ZNF33A: variants seen among roughly 807,000 people sequenced by gnomAD.
ZNF33A encodes brain my041 protein.
In ZNF33A, 9 loss-of-function variants were observed where a neutral mutation model predicts 15.9. The ratio of observed to expected loss-of-function variants is 0.57; its 90% CI spans 0.34 to 0.99. The LOEUF (loss-of-function observed/expected upper bound fraction) is 0.99. ZNF33A is among the 50% of genes least tolerant of loss of function. The probability of loss-of-function intolerance (pLI) is 0.02; values close to 1 mark genes in which losing one functional copy is unlikely to be tolerated. For missense variants in ZNF33A, 843 were observed against 941.6 expected (o/e 0.90, Z 1.37); for synonymous variants, 294 against 324.2 (o/e 0.91, Z 1.00).
chr10:38,019,509 A>C lies in ZNF33A; in HGVS notation c.250+2123A>C, dbSNP rs184288698. On this transcript the variant is annotated intron_variant, in intron 4 of 4. Transcript: ENST00000432900. ...AAAATTTTCAAAGTAGCCAGAGAGA[A>C]ACAACACATTCCCTACAGAGAATGA... 1.7e-3 allele frequency among the ~76,000 whole-genome samples: 258 copies of C among 152,302 alleles called. 1 individual carries two copies. The Middle Eastern group carries it at 0.017, about 10-fold the overall frequency.
downstream of ZNF33A, among the ~76,000 whole-genome samples, chr10:38,063,325 G>T (rs2066677645): frequency 6.6e-6 from 1 of 152,150 alleles, no homozygotes; most frequent in African/African-American, 2.4e-5. Context: ...AGCAGACATA[G>T]CTTGGTAATC....
chr10:38,039,399 T>G (rs953440740), intron 4 of ZNF33A: 134 of 382,760 alleles, frequency 3.5e-4, no homozygotes, highest in African/African-American at 1.9e-3. Flanking sequence ...ATTTTTTGTG[T>G]TTTTTTTTTG....
At chr10:38,027,249 C>G (rs1482092163) in intron 4 of ZNF33A, among the ~76,000 whole-genome samples, 1 of 151,318 alleles carries the variant, frequency 6.6e-6, no homozygotes, top group African/African-American at 2.4e-5. Flanking sequence ...TAAATTAGTC[C>G]TCTTAATATA....
rs1399377171 is a variant in ZNF33A, at chr10:38,059,814, A to T, written c.*3254A>T. The T allele has an allele frequency of 6.6e-6, 1 of 152,498 alleles. No individual in the cohort carries two copies. Among genetic ancestry groups the T allele is most frequent in the Non-Finnish European group, 1.5e-5 (1 of 68,312 alleles). The allele number at this position is 152,498 out of a possible 1,614,324, so 9.4% of individuals were successfully genotyped here. On this transcript the variant is annotated 3_prime_UTR_variant, in exon 5 of 5. Transcript: ENST00000432900. ...GAGAATGGAAAACAGTGAACGGAAA[A>T]CACAGAGTAAACCCTAATGTCAACT...
intron 4 of ZNF33A, among the ~76,000 whole-genome samples, chr10:38,018,387 C>T (rs2064565738): frequency 6.6e-6 from 1 of 152,000 alleles, no homozygotes; most frequent in Non-Finnish European, 1.5e-5. Flanking sequence ...TGGTGGGTTT[C>T]AGGAATAACC....
At position 38,055,013 on chromosome 10, in the gene ZNF33A, T is replaced by C. The variant is rs1224045940; in HGVS notation, c.889T>C (p.Ser297Pro). 6.2e-7 allele frequency: 1 copy of C among 1,614,114 alleles called. No homozygotes were observed. The highest frequency in any genetic ancestry group is 1.1e-5 in the South Asian group (1 of 91,080). ...KSTLSKPHGV[S>P]MKHYDCGESG... is the part of the protein sequence containing the mutation. The stretch of plus-strand genomic sequence containing the variant: ...CACCCTTTCTAAACCTCATGGGGTA[T>C]CTATGAAACACTATGATTGTGGTGA... Residue 297 changes from serine (S) to proline (P), a missense_variant, in exon 5 of 5, where the codon TCT (serine) becomes CCT (proline). Ser to Pro is a moderately conservative substitution (Grantham distance 74). Coordinates refer to ENST00000432900, the MANE Select transcript of ZNF33A (RefSeq NM_006954.2).
intron 4 of ZNF33A, among the ~76,000 whole-genome samples, chr10:38,041,345 T>G (rs1039123607): frequency 3.9e-5 from 6 of 151,956 alleles, no homozygotes; most frequent in African/African-American, 1.4e-4. Flanking sequence ...TATATTTTAG[T>G]ATAACATTTT....
chr10:38,011,481 C>T (rs1386097661), intron 1 of ZNF33A, among the ~76,000 whole-genome samples: 1 of 151,926 alleles, frequency 6.6e-6, no homozygotes, highest in East Asian at 1.9e-4. Flanking sequence ...GCTACTGAGG[C>T]GGAAAATTGC....
Position 38,055,367 on chromosome 10 carries a change from T to A in ZNF33A, c.1243T>A (p.Cys415Ser), listed in dbSNP as rs773468057. The A allele has an allele frequency of 6.2e-7, 1 of 1,614,072 alleles. No homozygotes were observed. The highest frequency in any genetic ancestry group is 1.1e-5 in the South Asian group (1 of 91,078). The change falls in exon 5 of 5, where the codon TGT becomes AGT. Residue 415 changes from cysteine (C) to serine (S), a missense_variant. Coordinates refer to ENST00000432900, the MANE Select transcript of ZNF33A (RefSeq NM_006954.2). ...ACATACAGGGGAGAAACCCTATCAA[T>A]GTAATGCGTGTGGGAAAACTTTTTG... ...RTHTGEKPYQ[C>S]NACGKTFCQK...
Position 38,056,409 on chromosome 10 carries a change from C to A in ZNF33A, c.2285C>A (p.Ser762Ter). The A allele has an allele frequency of 1.2e-6, 2 of 1,614,084 alleles. No individual in the cohort carries two copies. The highest frequency in any genetic ancestry group is 2.2e-5 in the South Asian group (2 of 91,072). Residue 762 changes from serine (S) to a stop codon, truncating the protein, a stop_gained, in exon 5 of 5, where the codon TCA becomes TAA. Transcript: ENST00000432900. LOFTEE classifies it low-confidence loss of function (END_TRUNC). ...TGCAGGAAAACTTTCTCTCAAAAGT[C>A]AAATCTCATTGTACATCAGAGAAGA... ...NTCRKTFSQK[S>*]NLIVHQRRHI...
downstream of ZNF33A, among the ~76,000 whole-genome samples, chr10:38,063,002 C>CAA (rs373779802): frequency 0.015 from 669 of 44,100 alleles, 49 homozygotes; most frequent in African/African-American, 0.027. Flanking sequence ...GACTCCATCT[C>CAA]AAAAAAAAAA....
intron 4 of ZNF33A, among the ~76,000 whole-genome samples, chr10:38,029,790 A>C (rs1006107898): frequency 3.9e-5 from 6 of 152,322 alleles, no homozygotes; most frequent in African/African-American, 7.2e-5. Flanking sequence ...GGTGCAGATC[A>C]GTGTATATTG....
At chr10:38,015,476 G>A (rs545833062) in intron 2 of ZNF33A, among the ~76,000 whole-genome samples, 4 of 151,988 alleles carry the variant, frequency 2.6e-5, no homozygotes, top group Admixed American at 6.6e-5. Context: ...CCGCCAACAC[G>A]CCTGGCTAAT....
intron 4 of ZNF33A, chr10:38,043,895 A>G (rs143245812): frequency 1.3e-5 from 2 of 151,148 alleles, no homozygotes; most frequent in African/African-American, 4.9e-5. Context: ...CACTTCATGA[A>G]CTTGTGTGTC....
chr10:38,035,834 A>T (rs2065428068), intron 4 of ZNF33A, among the ~76,000 whole-genome samples: 1 of 152,220 alleles, frequency 6.6e-6, no homozygotes, highest in Non-Finnish European at 1.5e-5. Context: ...AAAAGAAAAG[A>T]AAAGAAGAAA....
chr10:38,066,670 C>T (rs1564893872), downstream of ZNF33A, among the ~76,000 whole-genome samples: 1 of 152,226 alleles, frequency 6.6e-6, no homozygotes, highest in East Asian at 1.9e-4. Flanking sequence ...CACAGTGGCT[C>T]ACTCCTGTAA....
At chr10:38,010,867 G>A in intron 1 of ZNF33A, 84 bp downstream of exon 1, 1 of 1,535,626 alleles carries the variant, frequency 6.5e-7, no homozygotes, top group Non-Finnish European at 8.9e-7. Context: ...GTACCAAGTG[G>A]TGGGGAGGAG....
chr10:38,057,391 T>C lies in ZNF33A; in HGVS notation c.*831T>C, dbSNP rs2066529955. 3.0e-6 allele frequency: 3 copies of C among 985,406 alleles called. No individual in the cohort carries two copies. Among genetic ancestry groups the C allele is most frequent in the South Asian group, 9.4e-5 (2 of 21,282 alleles). 61.0% of individuals were successfully genotyped at this position (985,406 alleles called of 1,614,324 possible). A position where few individuals can be genotyped will look rare whatever the true frequency, so the allele number is the denominator to read the frequency against. On this transcript the variant is annotated 3_prime_UTR_variant, in exon 5 of 5. Coordinates refer to ENST00000432900, the MANE Select transcript of ZNF33A (RefSeq NM_006954.2). Reference sequence around the variant, plus strand: ...TCAGGGCAATAGCATTAAGCACATCTGCGAATTATCCCTGAAGTTCAAAAG... The same window carrying C: ...TCAGGGCAATAGCATTAAGCACATCCGCGAATTATCCCTGAAGTTCAAAAG...
upstream of ZNF33A, chr10:38,010,611 G>C (rs756873986): frequency 2.5e-6 from 3 of 1,189,328 alleles, no homozygotes; most frequent in Non-Finnish European, 3.7e-6. Context: ...TCCAGGTAGG[G>C]CGCCAACAGC....
Sources: allele counts gnomAD v4.1 joint callset (sites outside exome capture counted in the v4.1 genomes callset), GRCh38; gene constraint gnomAD v4.1.1; transcripts MANE v1.5; gene names NCBI Gene and HGNC (gene_info 2026-07-23, HGNC 2026-07-21).